The following DPP10 variants were observed in gnomAD, a reference collection of about 807,000 sequenced individuals.
The protein encoded by DPP10 is inactive dipeptidyl peptidase 10.
DPP10 carries 33 observed loss-of-function variants against 120.9 expected under a neutral mutation model. The ratio of observed to expected loss-of-function variants is 0.27; its 90% CI spans 0.21 to 0.37. The LOEUF is 0.37. Ranked by LOEUF, DPP10 falls within the 10% of genes least tolerant of loss-of-function variation. The pLI is 1.00. For synonymous variants in DPP10, 337 were observed against 326.1 expected (o/e 1.03, Z -0.36); for missense variants, 816 against 942.8 (o/e 0.87, Z 1.76).
intron 1 of DPP10, among the ~76,000 whole-genome samples, chr2:114,457,699 C>A (rs1301572881): frequency 6.6e-6 from 1 of 152,044 alleles, no homozygotes; most frequent in African/African-American, 2.4e-5. Context: ...CATTCTATAC[C>A]CTGTCTCTTT....
At chr2:115,557,969 GTGT>G (rs2080321995) in intron 5 of DPP10, among the ~76,000 whole-genome samples, 1 of 152,134 alleles carries the variant, frequency 6.6e-6, no homozygotes, top group South Asian at 2.1e-4. Flanking sequence ...CATGTTAAAG[GTGT>G]TGTTCTTTCC....
chr2:115,824,447 T>G (rs780586296), intron 21 of DPP10, among the ~76,000 whole-genome samples: 3 of 152,056 alleles, frequency 2.0e-5, no homozygotes, highest in Non-Finnish European at 4.4e-5. Context: ...CATTAGGTAT[T>G]TGTCCTAATG....
chr2:115,448,945 T>C (rs1158980434), intron 3 of DPP10, among the ~76,000 whole-genome samples: 3 of 152,120 alleles, frequency 2.0e-5, no homozygotes. Flanking sequence ...TTGTTTTAAC[T>C]TGTGGTCTCT....
At chr2:115,573,897 C>A (rs1437483948) in intron 5 of DPP10, among the ~76,000 whole-genome samples, 1 of 152,124 alleles carries the variant, frequency 6.6e-6, no homozygotes, top group Non-Finnish European at 1.5e-5. Context: ...TTCTCATCTT[C>A]CTATTGCTCT....
chr2:115,194,377 A>G (rs2055105934), intron 1 of DPP10, among the ~76,000 whole-genome samples: 1 of 152,032 alleles, frequency 6.6e-6, no homozygotes. Flanking sequence ...GGCATGCGCC[A>G]CCACGCCTGG....
intron 1 of DPP10, among the ~76,000 whole-genome samples, chr2:115,157,243 G>GT (rs2051978449): frequency 1.1e-5 from 1 of 87,048 alleles, no homozygotes; most frequent in African/African-American, 5.9e-5. Flanking sequence ...TTTAAATATA[G>GT]CAAAAAAAAA....
At chr2:114,724,195 C>T (rs1701893655) in intron 1 of DPP10, among the ~76,000 whole-genome samples, 1 of 152,190 alleles carries the variant, frequency 6.6e-6, no homozygotes, top group Non-Finnish European at 1.5e-5. Flanking sequence ...CTTACTTCCC[C>T]TCTATGCTAA....
At chr2:115,819,011 A>G (rs1050118493) in intron 21 of DPP10, among the ~76,000 whole-genome samples, 16 of 152,326 alleles carry the variant, frequency 1.1e-4, no homozygotes, top group African/African-American at 3.8e-4. Context: ...TTATCCTAAG[A>G]TTCCGTAGAC....
At chr2:114,807,042 G>A (rs1364366257) in intron 1 of DPP10, among the ~76,000 whole-genome samples, 1 of 152,188 alleles carries the variant, frequency 6.6e-6, no homozygotes, top group African/African-American at 2.4e-5. Context: ...CCAGCAGACA[G>A]AATGATCTTT....
intron 19 of DPP10, among the ~76,000 whole-genome samples, chr2:115,806,483 T>A (rs1685986696): frequency 6.6e-6 from 1 of 152,196 alleles, no homozygotes; most frequent in Non-Finnish European, 1.5e-5. Flanking sequence ...ATAACCACAC[T>A]TTCCAGTTGA....
intron 1 of DPP10, among the ~76,000 whole-genome samples, chr2:114,852,399 A>G (rs1024037187): frequency 6.6e-6 from 1 of 151,970 alleles, no homozygotes; most frequent in African/African-American, 2.4e-5. Flanking sequence ...ATATTTTTTT[A>G]AAAAATGGAT....
intron 21 of DPP10, among the ~76,000 whole-genome samples, chr2:115,835,279 A>G (rs897821429): frequency 2.0e-5 from 3 of 152,216 alleles, no homozygotes; most frequent in Admixed American, 1.3e-4. Flanking sequence ...AAACACTACC[A>G]TTCTCTGAAA....
chr2:114,786,895 C>T (rs1266582903), intron 1 of DPP10, among the ~76,000 whole-genome samples: 1 of 152,166 alleles, frequency 6.6e-6, no homozygotes, highest in African/African-American at 2.4e-5. Context: ...CCATTCTAAT[C>T]ACACAATTGG....
chr2:114,898,062 G>C (rs942779716), intron 1 of DPP10, among the ~76,000 whole-genome samples: 2 of 152,148 alleles, frequency 1.3e-5, no homozygotes, highest in African/African-American at 4.8e-5. Flanking sequence ...TGTTTATTGA[G>C]GCACTATTCA....
chr2:114,784,312 A>T (rs1445434161), intron 1 of DPP10, among the ~76,000 whole-genome samples: 1 of 152,152 alleles, frequency 6.6e-6, no homozygotes, highest in African/African-American at 2.4e-5. Flanking sequence ...TATTTGTAAG[A>T]AACAACAGCA....
intron 5 of DPP10, among the ~76,000 whole-genome samples, chr2:115,617,496 G>A (rs1456306296): frequency 6.6e-6 from 1 of 151,198 alleles, no homozygotes; most frequent in Non-Finnish European, 1.5e-5. Flanking sequence ...GTAAACTATA[G>A]ACTACATAAA....
chr2:115,700,521 G>GA (rs969110889), intron 7 of DPP10, among the ~76,000 whole-genome samples: 6 of 152,028 alleles, frequency 3.9e-5, no homozygotes, highest in Admixed American at 2.0e-4. Context: ...TTTGAGATAA[G>GA]AAACAAGGCA....
intron 1 of DPP10, among the ~76,000 whole-genome samples, chr2:114,829,656 C>T (rs764146513): frequency 6.6e-6 from 1 of 151,646 alleles, no homozygotes; most frequent in Non-Finnish European, 1.5e-5. Flanking sequence ...GGATTACAGG[C>T]GTGAGCCACC....
At chr2:115,520,667 A>T (rs1485852497) in intron 4 of DPP10, among the ~76,000 whole-genome samples, 1 of 152,158 alleles carries the variant, frequency 6.6e-6, no homozygotes. Context: ...ACCAACTTGT[A>T]TTAATTGTAA....
Sources: gnomAD v4.1 joint callset for allele counts (sites outside exome capture counted in the v4.1 genomes callset) on GRCh38, gnomAD v4.1.1 for gene constraint, MANE v1.5 for transcripts, NCBI Gene and HGNC (gene_info 2026-07-23, HGNC 2026-07-21) for gene names.